The following SGCD variants were observed in gnomAD, a reference collection of about 807,000 sequenced individuals.
SGCD encodes delta-sarcoglycan.
SGCD carries 18 observed loss-of-function variants against 36.6 expected under a neutral mutation model. That is an observed-to-expected ratio of 0.49 (90% CI 0.34 to 0.73). SGCD has a LOEUF of 0.73. Ranked by LOEUF, SGCD falls within the 30% of genes least tolerant of loss-of-function variation. The probability of loss-of-function intolerance (pLI) is 0.01; values close to 1 mark genes in which losing one functional copy is unlikely to be tolerated. For synonymous variants in SGCD, 133 were observed against 130.6 expected, an observed-to-expected ratio of 1.02 and a Z score of -0.12; for missense variants, 387 against 346.7, an observed-to-expected ratio of 1.12 and a Z score of -0.92.
chr5:156,272,964 A>G (rs1468721377), intron 3 of SGCD, among the ~76,000 whole-genome samples: 2 of 152,234 alleles, frequency 1.3e-5, no homozygotes, highest in Non-Finnish European at 2.9e-5. Context: ...CGCCTTTACT[A>G]TCTGGCCTGT....
intron 3 of SGCD, among the ~76,000 whole-genome samples, chr5:156,504,390 GTGTA>G (rs58889030): frequency 0.024 from 3,090 of 126,232 alleles, 54 homozygotes; most frequent in African/African-American, 0.071. Flanking sequence ...GGGTGTGTGT[GTGTA>G]TATATATATA....
At chr5:156,618,536 AAAT>A (rs893218359) in intron 6 of SGCD, among the ~76,000 whole-genome samples, 50 of 151,864 alleles carry the variant, frequency 3.3e-4, no homozygotes, top group African/African-American at 1.0e-3. Context: ...TACAATATAG[AAAT>A]AATAATGGGG....
At chr5:155,787,249 T>C in the SGCD span, among the ~76,000 whole-genome samples, 2 of 152,058 alleles carry the variant, frequency 1.3e-5, no homozygotes, top group Non-Finnish European at 2.9e-5. Flanking sequence ...ATTGTGCCTA[T>C]AAAACAAACC....
chr5:156,721,405 A>C lies in SGCD; in HGVS notation c.576-36176A>C, dbSNP rs558248333. 2.6e-5 allele frequency among the ~76,000 whole-genome samples: 4 copies of C among 152,324 alleles called. No individual in the cohort carries two copies. The East Asian group carries it at 7.7e-4, about 29-fold the overall frequency. On this transcript the variant is annotated intron_variant, in intron 7 of 8. Coordinates refer to ENST00000337851, the MANE Select transcript of SGCD (RefSeq NM_000337.6). ...ATTGAAAGAGATGTTCCAGAAGGCCAGTGTTGATAGTTTCAAGAAGGAAGG... is the reference window on the plus strand; with the variant it reads ...ATTGAAAGAGATGTTCCAGAAGGCCCGTGTTGATAGTTTCAAGAAGGAAGG...
At chr5:156,154,813 T>C (rs983528197) in intron 3 of SGCD, among the ~76,000 whole-genome samples, 1 of 151,578 alleles carries the variant, frequency 6.6e-6, no homozygotes, top group African/African-American at 2.4e-5. Context: ...TTTCACCCAG[T>C]CATTTTTTTC....
At chr5:155,842,244 G>C in the SGCD span, among the ~76,000 whole-genome samples, 1 of 104,214 alleles carries the variant, frequency 9.6e-6, no homozygotes, top group South Asian at 3.0e-4. Context: ...CTCATTTGAG[G>C]TGTTTTTTTT....
chr5:155,780,274 T>C, the SGCD span, among the ~76,000 whole-genome samples: 3 of 152,306 alleles, frequency 2.0e-5, no homozygotes, highest in East Asian at 3.9e-4. Flanking sequence ...TTTGTGGTCT[T>C]TAGAGCCATA....
intron 1 of SGCD, among the ~76,000 whole-genome samples, chr5:156,004,277 T>C (rs1468575532): frequency 6.6e-6 from 1 of 152,178 alleles, no homozygotes; most frequent in African/African-American, 2.4e-5. Flanking sequence ...TTATCCAAAA[T>C]GTACCCAACA....
At chr5:156,260,665 A>G (rs941176385) in intron 3 of SGCD, among the ~76,000 whole-genome samples, 4 of 152,096 alleles carry the variant, frequency 2.6e-5, no homozygotes, top group Non-Finnish European at 5.9e-5. Context: ...TCTAAACTGT[A>G]TGTGTTTTAT....
At chr5:156,182,107 TC>T (rs886765927) in intron 3 of SGCD, among the ~76,000 whole-genome samples, 1 of 152,056 alleles carries the variant, frequency 6.6e-6, no homozygotes, top group Non-Finnish European at 1.5e-5. Flanking sequence ...CTAACTAAAA[TC>T]CCAACAGATA....
At chr5:156,042,793 T>C (rs1759669710) in intron 1 of SGCD, among the ~76,000 whole-genome samples, 2 of 152,164 alleles carry the variant, frequency 1.3e-5, no homozygotes. Flanking sequence ...GTAAATGTTA[T>C]CTGCTGGAGT....
chr5:156,094,092 G>A (rs1761318453), intron 1 of SGCD, among the ~76,000 whole-genome samples: 1 of 152,182 alleles, frequency 6.6e-6, no homozygotes, highest in African/African-American at 2.4e-5. Flanking sequence ...AAGGGCAGCA[G>A]CCCCTCCTTC....
At chr5:155,728,236 C>G in the SGCD span, among the ~76,000 whole-genome samples, 1 of 151,986 alleles carries the variant, frequency 6.6e-6, no homozygotes, top group South Asian at 2.1e-4. Context: ...AGCGCGCACA[C>G]CGGGACTCCG....
chr5:155,857,942 G>A, the SGCD span, among the ~76,000 whole-genome samples: 1 of 152,104 alleles, frequency 6.6e-6, no homozygotes, highest in East Asian at 1.9e-4. Flanking sequence ...TTTGCCATTT[G>A]TGCTGTCTGT....
At position 156,508,628 on chromosome 5, in the gene SGCD, GA is replaced by G; in HGVS notation, c.225del (p.Gly76ValfsTer2). 2 of 1,611,316 alleles carry G rather than the reference GA, an allele frequency of 1.2e-6. No individual in the cohort carries two copies. The highest frequency in any genetic ancestry group is 1.7e-6 in the Non-Finnish European group (2 of 1,177,810). ...TGGAATGGGAAACCTGAGGATCACA[GA>G]AAAAGGTCTAAAGCTAGAAGGAGAC... Reference protein sequence around the residue: ...IDGMGNLRITEKGLKLEGDSE... With the variant: ...IDGMGNLRITXKGLKLEGDSE... On this transcript the variant is annotated frameshift_variant, in exon 4 of 9. Coordinates refer to ENST00000337851, the MANE Select transcript of SGCD (RefSeq NM_000337.6). LOFTEE classifies it high-confidence loss of function.
intron 3 of SGCD, among the ~76,000 whole-genome samples, chr5:156,414,746 A>T (rs1045644574): frequency 2.0e-5 from 3 of 152,254 alleles, no homozygotes; most frequent in Admixed American, 6.5e-5. Context: ...TTATTAAACA[A>T]CAATTAAATA....
chr5:155,923,885 A>G (rs1030638220), intron 1 of SGCD, among the ~76,000 whole-genome samples: 3 of 152,206 alleles, frequency 2.0e-5, no homozygotes, highest in Admixed American at 1.3e-4. Context: ...TTTGATCTTC[A>G]TAAACACCCT....
At chr5:156,657,080 T>G (rs1763712744) in intron 7 of SGCD, among the ~76,000 whole-genome samples, 1 of 152,178 alleles carries the variant, frequency 6.6e-6, no homozygotes, top group Non-Finnish European at 1.5e-5. Context: ...AACTAAATAT[T>G]TATAGGCTTT....
rs754926719 is a variant in SGCD at position 156,761,304 on chromosome 5, C to T, written c.*1914C>T. The T allele has an allele frequency of 2.0e-5, 3 of 152,200 alleles. No individual in the cohort carries two copies. Among genetic ancestry groups the T allele is most frequent in the East Asian group, 1.9e-4 (1 of 5,190 alleles). The allele number at this position is 152,200 out of a possible 1,614,324, so 9.4% of individuals were successfully genotyped here. ...GCCAGTGATGCTGCTGGCGTCCAGA[C>T]CCCAGACTCACTCCAAGCACTCTTG... On this transcript the variant is annotated 3_prime_UTR_variant, in exon 9 of 9. Coordinates refer to ENST00000337851, the MANE Select transcript of SGCD (RefSeq NM_000337.6).
Sources: gnomAD v4.1 joint callset for allele counts (sites outside exome capture counted in the v4.1 genomes callset) on GRCh38, gnomAD v4.1.1 for gene constraint, MANE v1.5 for transcripts, NCBI Gene and HGNC (gene_info 2026-07-23, HGNC 2026-07-21) for gene names.